Variants in DHCR24 observed in about 807,000 individuals in gnomAD.
The protein encoded by DHCR24 is delta(24)-sterol reductase.
In DHCR24, 28 loss-of-function variants were observed where a neutral mutation model predicts 61.2. The ratio of observed to expected loss-of-function variants is 0.46; its 90% CI spans 0.34 to 0.63. The LOEUF (loss-of-function observed/expected upper bound fraction) is 0.63, where lower values mean the gene tolerates loss of function less well. Among genes scored for constraint, DHCR24 ranks in the 20% least tolerant of loss-of-function variants. The pLI, the probability that DHCR24 is intolerant of heterozygous loss-of-function variation, is 0.01. For synonymous variants in DHCR24, 261 were observed against 275.9 expected, an observed-to-expected ratio of 0.95 and a Z score of 0.54; for missense variants, 538 against 679.1, an observed-to-expected ratio of 0.79 and a Z score of 2.31.
rs1274136860 is a variant in DHCR24 at position 54,849,916 on chromosome 1, C to T, written c.*2317G>A. The T allele has an allele frequency of 6.6e-6, 1 of 152,658 alleles. No individual in the cohort carries two copies. The highest frequency in any genetic ancestry group is 1.5e-5 in the Non-Finnish European group (1 of 68,066). 9.5% of individuals were successfully genotyped at this position (152,658 alleles called of 1,614,324 possible). On this transcript the variant is annotated 3_prime_UTR_variant, in exon 9 of 9. Transcript: ENST00000371269. Reference sequence around the variant, plus strand: ...AGAAAACCTTCATGCAGCCAAGAAACTCAGGGCTCTGGAGGGGAGAGCCTT... The same window carrying T: ...AGAAAACCTTCATGCAGCCAAGAAATTCAGGGCTCTGGAGGGGAGAGCCTT...
chr1:54,879,020 A>C (rs1647050191), intron 2 of DHCR24, among the ~76,000 whole-genome samples: 1 of 152,176 alleles, frequency 6.6e-6, no homozygotes, highest in South Asian at 2.1e-4. Flanking sequence ...AGACATTAAG[A>C]ATATATTAAA....
In DHCR24 at chr1:54,871,372, G is replaced by C; in HGVS notation, c.854C>G (p.Thr285Arg). ...DEAVIMTGVM[T>R]DEAEPSKLNS... ...TACCTTGCTGGGCTCTGCCTCATCT[G>C]TCATGACCCCTGTCATAATGACAGC... The change falls in exon 5 of 9, where the codon ACA becomes AGA. Residue 285 changes from threonine (T) to arginine (R), a missense_variant. Transcript: ENST00000371269. 1.9e-6 allele frequency: 3 copies of C among 1,614,070 alleles called. No individual in the cohort carries two copies. The South Asian group carries it at 3.3e-5, about 18-fold the overall frequency.
At chr1:54,886,484 A>C in intron 1 of DHCR24, 1 of 770,502 alleles carries the variant, frequency 1.3e-6, no homozygotes. Flanking sequence ...TCGGCTTCCC[A>C]GCATTTGCTC....
intron 6 of DHCR24, among the ~76,000 whole-genome samples, chr1:54,860,911 C>T (rs1027188568): frequency 1.3e-5 from 2 of 151,722 alleles, no homozygotes; most frequent in East Asian, 1.9e-4. Flanking sequence ...TGGCATGAAC[C>T]CGGGAGGCGG....
Position 54,871,375 on chromosome 1 carries a change from A to G in DHCR24, c.851T>C (p.Met284Thr), listed in dbSNP as rs1476879002. The change falls in exon 5 of 9, where the codon ATG (methionine) becomes ACG (threonine). Residue 284 changes from methionine (M) to threonine (T), a missense_variant. Transcript: ENST00000371269. ...LDEAVIMTGV[M>T]TDEAEPSKLN... ...CTTGCTGGGCTCTGCCTCATCTGTC[A>G]TGACCCCTGTCATAATGACAGCCTC... 1.2e-6 allele frequency: 2 copies of G among 1,613,982 alleles called. No homozygotes were observed. Among genetic ancestry groups the G allele is most frequent in the Admixed American group, 1.7e-5 (1 of 60,010 alleles).
chr1:54,877,776 C>T (rs1262898494), intron 2 of DHCR24, among the ~76,000 whole-genome samples: 2 of 151,642 alleles, frequency 1.3e-5, no homozygotes, highest in African/African-American at 2.4e-5. Flanking sequence ...TTTGGGAGAC[C>T]GAGGTGGGTG....
In DHCR24 at chr1:54,875,186, G is replaced by C. The variant is rs149135890; in HGVS notation, c.519C>G (p.Ile173Met). 8 of 1,614,060 alleles carry C rather than the reference G, an allele frequency of 5.0e-6. No individual in the cohort carries two copies. Among genetic ancestry groups the C allele is most frequent in the African/African-American group, 1.3e-5 (1 of 74,914 alleles). The change falls in exon 4 of 9, where the codon ATC (isoleucine) becomes ATG (methionine). Residue 173 changes from isoleucine (I) to methionine (M), a missense_variant. By Grantham distance (10) the Ile-to-Met change is conservative (BLOSUM62 1). Transcript: ENST00000371269. ...TVGGLIMGTG[I>M]ESSSHKYGLF... ...GGCCGTACTTGTGGGATGATGACTC[G>C]ATGCCTGTGCCCATGATCAAGCCCC... is the stretch of plus-strand genomic sequence containing the variant.
rs929369021 is a variant in DHCR24 at position 54,851,111 on chromosome 1, C to A, written c.*1122G>T. ...CCCTCTGGAACGGAAATGGAACTTT[C>A]TCTGAGCTTAGGATTTGTAAGGCAC... is the stretch of plus-strand genomic sequence containing the variant. On this transcript the variant is annotated 3_prime_UTR_variant, in exon 9 of 9. Transcript: ENST00000371269. The A allele has an allele frequency of 1.3e-5, 2 of 152,594 alleles. No homozygotes were observed. Among genetic ancestry groups the A allele is most frequent in the African/African-American group, 4.8e-5 (2 of 41,430 alleles). The allele number at this position is 152,594 out of a possible 1,614,324, so 9.5% of individuals were successfully genotyped here. A position where few individuals can be genotyped will look rare whatever the true frequency, so the allele number is the denominator to read the frequency against.
chr1:54,853,733 G>A (rs995177565), intron 7 of DHCR24, 121 bp from the exon 8 acceptor site: 5 of 1,184,406 alleles, frequency 4.2e-6, no homozygotes, highest in Non-Finnish European at 6.0e-6. Flanking sequence ...CCCCTCAGGT[G>A]CTCTCAGCTT....
intron 2 of DHCR24, among the ~76,000 whole-genome samples, chr1:54,882,133 GA>G (rs35319903): frequency 0.14 from 764 of 5,274 alleles, 12 homozygotes; most frequent in African/African-American, 0.32. Context: ...AAGTTTAAAA[GA>G]AAAAAAAAAA....
intron 2 of DHCR24, among the ~76,000 whole-genome samples, chr1:54,880,083 A>G (rs1424401080): frequency 6.6e-6 from 1 of 152,238 alleles, no homozygotes; most frequent in African/African-American, 2.4e-5. Context: ...GAGAAGATCA[A>G]TAAAATTCAA....
At chr1:54,886,841 G>C (rs1647101344) in intron 1 of DHCR24, 48 bp downstream of exon 1, 1 of 1,567,720 alleles carries the variant, frequency 6.4e-7, no homozygotes. Flanking sequence ...CTATCCCCGC[G>C]CACGCCGCCT....
chr1:54,887,141 C>T lies in DHCR24; in HGVS notation c.-22G>A. On this transcript the variant is annotated 5_prime_UTR_variant, in exon 1 of 9. Transcript: ENST00000371269. ...CCATGGTGCGGCGCCGCGCGGTAAG[C>T]GCTGCGGGTTCGCGCCTCCTGTCAC... is the stretch of plus-strand genomic sequence containing the variant. The T allele has an allele frequency of 6.5e-7, 1 of 1,546,018 alleles. No individual in the cohort carries two copies. Among genetic ancestry groups the T allele is most frequent in the Non-Finnish European group, 8.7e-7 (1 of 1,146,250 alleles).
chr1:54,854,771 G>A (rs1646897464), intron 6 of DHCR24, among the ~76,000 whole-genome samples: 1 of 152,190 alleles, frequency 6.6e-6, no homozygotes, highest in Non-Finnish European at 1.5e-5. Flanking sequence ...GGAGCCCACT[G>A]GTTTGCAGCA....
chr1:54,878,579 C>CAGG (rs1202322458), intron 2 of DHCR24, among the ~76,000 whole-genome samples: 2 of 146,344 alleles, frequency 1.4e-5, no homozygotes, highest in Non-Finnish European at 3.0e-5. Context: ...TCACACAGGG[C>CAGG]AGGAGATAGT....
chr1:54,883,132 T>C lies in DHCR24; in HGVS notation c.387+486A>G, dbSNP rs1647073268. On this transcript the variant is annotated intron_variant, in intron 2 of 8. Transcript: ENST00000371269. The surrounding 1 kb of genome is among the most constrained non-coding windows in gnomAD (Gnocchi z 4.3). ...AGAAATAAAGCTGTGATATAATCAC[T>C]CTGTGTTGGGTATCTTTATACTGAA... Among the ~76,000 whole-genome samples, 1 of 152,184 alleles carries C rather than the reference T, an allele frequency of 6.6e-6. No individual in the cohort carries two copies.
intron 1 of DHCR24, among the ~76,000 whole-genome samples, chr1:54,884,335 T>A (rs1043185984): frequency 9.2e-5 from 14 of 152,198 alleles, no homozygotes; most frequent in Admixed American, 2.6e-4. Flanking sequence ...GTTCACAGGG[T>A]AATAGCTAAC....
chr1:54,853,437 T>C lies in DHCR24; in HGVS notation c.1394A>G (p.His465Arg). The change falls in exon 8 of 9, where the codon CAT (histidine) becomes CGT (arginine). Residue 465 changes from histidine to arginine, a missense_variant. By Grantham distance (29) the His-to-Arg change is conservative. Coordinates refer to ENST00000371269, the MANE Select transcript of DHCR24 (RefSeq NM_014762.4). ...RQLEKFVRSV[H>R]GFQMLYADCY... ...TACTATACTCTGGGCCACTCACCCA[T>C]GCACGCTGCGGACAAACTTCTCCAG... is the stretch of plus-strand genomic sequence containing the variant. 6.2e-7 allele frequency: 1 copy of C among 1,614,186 alleles called. No homozygotes were observed. Among genetic ancestry groups the C allele is most frequent in the Non-Finnish European group, 8.5e-7 (1 of 1,180,018 alleles).
In DHCR24 at chr1:54,887,194, C is replaced by A; in HGVS notation, c.-75G>T. ...CCGCCAGCTCCGCGCCTGGCCCGCT[C>A]TGCGCCTGTAGCCCACAGCCCGGGG... is the stretch of plus-strand genomic sequence containing the variant. On this transcript the variant is annotated 5_prime_UTR_variant, in exon 1 of 9. Coordinates refer to ENST00000371269, the MANE Select transcript of DHCR24 (RefSeq NM_014762.4). The A allele has an allele frequency of 7.5e-7, 1 of 1,338,262 alleles. No individual in the cohort carries two copies. 82.9% of individuals were successfully genotyped at this position (1,338,262 alleles called of 1,614,324 possible).
Sources: gnomAD v4.1 joint callset for allele counts (sites outside exome capture counted in the v4.1 genomes callset) on GRCh38, gnomAD v4.1.1 for gene constraint, Gnocchi (gnomAD v3.1) non-coding constraint, MANE v1.5 for transcripts, NCBI Gene and HGNC (gene_info 2026-07-23, HGNC 2026-07-21) for gene names.